Variants in UQCRC2 observed in about 807,000 individuals in gnomAD.
UQCRC2 encodes the protein cytochrome b-c1 complex subunit 2, mitochondrial.
A neutral mutation model predicts 55.6 loss-of-function variants in UQCRC2; 49 were observed. That is an observed-to-expected ratio of 0.88 (90% CI 0.70 to 1.12). UQCRC2 has a LOEUF of 1.12. Among genes scored for constraint, UQCRC2 ranks in the 50% most tolerant of loss-of-function variants. UQCRC2 has a pLI of 0.00. For synonymous variants in UQCRC2, 193 were observed against 192.0 expected (o/e 1.01, Z -0.04); for missense variants, 506 against 547.8 (o/e 0.92, Z 0.76).
intron 7 of UQCRC2, among the ~76,000 whole-genome samples, chr16:21,967,890 TTA>T (rs1289861478): frequency 1.1e-4 from 17 of 152,302 alleles, no homozygotes; most frequent in Middle Eastern, 3.4e-3. Flanking sequence ...TCATTACTAC[TTA>T]TATAAACACA....
chr16:21,956,602 A>G (rs536383086), intron 1 of UQCRC2, among the ~76,000 whole-genome samples: 2 of 152,336 alleles, frequency 1.3e-5, no homozygotes, highest in Admixed American at 6.5e-5. Flanking sequence ...CCAAAGCTTT[A>G]GAACTACACA....
intron 4 of UQCRC2, among the ~76,000 whole-genome samples, chr16:21,960,269 T>G (rs1316113260): frequency 6.6e-6 from 1 of 152,226 alleles, no homozygotes; most frequent in African/African-American, 2.4e-5. Flanking sequence ...ATATTAGCAT[T>G]TGCTGCTTCA....
Position 21,965,427 on chromosome 16 carries a change from T to C in UQCRC2, c.534T>C (p.His178=), listed in dbSNP as rs371009679. 16 of 1,613,832 alleles carry C rather than the reference T, an allele frequency of 9.9e-6. No individual in the cohort carries two copies. Among genetic ancestry groups the C allele is most frequent in the African/African-American group, 1.3e-5 (1 of 74,934 alleles). The change falls in exon 7 of 14, where the codon CAT becomes CAC. Residue 178 remains histidine (H), a synonymous_variant. Transcript: ENST00000268379. The part of the protein sequence containing the change: ...NPQTHVIENL[H]AAAYRNALAN... ...TCACAGATGTCATTGAAAATTTGCA[T>C]GCAGCAGCTTACCGGAATGCCTTGG...
intron 5 of UQCRC2, 109 bp downstream of exon 5, chr16:21,962,625 T>A (rs762473502): frequency 1.3e-6 from 2 of 1,592,048 alleles, no homozygotes; most frequent in Non-Finnish European, 1.7e-6. Flanking sequence ...TTTTGGATTA[T>A]TGTTCATAAA....
Position 21,958,547 on chromosome 16 carries a change from G to A in UQCRC2, c.280G>A (p.Ala94Thr), listed in dbSNP as rs1898130788. ...TTTCTTTTTCAAGACGACAAAAGGA[G>A]CTTCATCTTTCAAGATAACCCGTGG... Reference protein sequence around the residue: ...RLTSSLTTKGASSFKITRGIE... With the variant: ...RLTSSLTTKGTSSFKITRGIE... Residue 94 changes from alanine (A) to threonine (T), a missense_variant, in exon 4 of 14, where the codon GCT (alanine) becomes ACT (threonine). By Grantham distance (58) the Ala-to-Thr change is moderately conservative. Transcript: ENST00000268379. 6.2e-7 allele frequency: 1 copy of A among 1,612,268 alleles called. No individual in the cohort carries two copies. Among genetic ancestry groups the A allele is most frequent in the African/African-American group, 1.3e-5 (1 of 74,828 alleles).
intron 7 of UQCRC2, among the ~76,000 whole-genome samples, chr16:21,967,465 C>T (rs1029302347): frequency 6.6e-6 from 1 of 151,578 alleles, no homozygotes; most frequent in Non-Finnish European, 1.5e-5. Flanking sequence ...TTACCCCAAA[C>T]CAATTTTCAC....
intron 7 of UQCRC2, 137 bp from the exon 8 acceptor site, chr16:21,968,491 G>C (rs1898380939): frequency 1.6e-6 from 1 of 613,706 alleles, no homozygotes; most frequent in East Asian, 3.1e-5. Flanking sequence ...ATTCACCTCA[G>C]TTAGTACCTT....
intron 4 of UQCRC2, among the ~76,000 whole-genome samples, chr16:21,960,004 A>G (rs1311896175): frequency 6.6e-6 from 1 of 152,218 alleles, no homozygotes; most frequent in African/African-American, 2.4e-5. Flanking sequence ...GATTTAGCAT[A>G]ATTCCTAAGG....
Position 21,962,507 on chromosome 16 carries a change from G to A in UQCRC2, c.380G>A (p.Arg127Gln), listed in dbSNP as rs143434256. The change falls in exon 5 of 14, where the codon CGG (arginine) becomes CAG (glutamine). Residue 127 changes from arginine to glutamine, a missense_variant. Arg to Gln is a conservative substitution (Grantham distance 43, BLOSUM62 1). Transcript: ENST00000268379. ...ENMAYTVECL[R>Q]GDVDILMEFL... The stretch of plus-strand genomic sequence containing the variant: ...ATGGCTTATACTGTGGAATGCCTGC[G>A]GGGTGATGTGTAAGTACCTGTGTGT... 186 of 1,614,010 alleles carry A rather than the reference G, an allele frequency of 1.2e-4. 1 individual carries two copies. The highest frequency in any genetic ancestry group is 1.5e-4 in the Non-Finnish European group (172 of 1,180,024).
intron 1 of UQCRC2, among the ~76,000 whole-genome samples, chr16:21,956,475 C>G (rs1379526810): frequency 6.6e-6 from 1 of 151,966 alleles, no homozygotes; most frequent in African/African-American, 2.4e-5. Context: ...ATCCAGGAGG[C>G]AGACATTGCA....
At chr16:21,972,984 C>A (rs997137152) in intron 10 of UQCRC2, among the ~76,000 whole-genome samples, 1 of 152,194 alleles carries the variant, frequency 6.6e-6, no homozygotes, top group Non-Finnish European at 1.5e-5. Context: ...CCTGTAGTCC[C>A]AGCTACTTGG....
chr16:21,958,507 C>T (rs201225543), intron 3 of UQCRC2, 28 bp from the exon 4 acceptor site: 12 of 1,607,230 alleles, frequency 7.5e-6, no homozygotes, highest in Non-Finnish European at 9.4e-6. Context: ...TGAAAAGCTA[C>T]AAAGATAATC....
At position 21,983,506 on chromosome 16, in the gene UQCRC2, T is replaced by C. The variant is rs1898788002; in HGVS notation, c.*335T>C. ...AAGGCTAAGTGGCTATCGGGGTAAA[T>C]AGTGCCAGATTACTATTGGTGGCGT... On this transcript the variant is annotated 3_prime_UTR_variant, in exon 14 of 14. Transcript: ENST00000268379. 3.0e-6 allele frequency: 1 copy of C among 330,076 alleles called. No individual in the cohort carries two copies. Among genetic ancestry groups the C allele is most frequent in the Non-Finnish European group, 5.4e-6 (1 of 184,068 alleles). The allele number at this position is 330,076 out of a possible 1,614,324, so 20.4% of individuals were successfully genotyped here.
chr16:21,983,110 G>A lies in UQCRC2; in HGVS notation c.1301G>A (p.Gly434Asp). 6.2e-7 allele frequency: 1 copy of A among 1,613,886 alleles called. No homozygotes were observed. The stretch of plus-strand genomic sequence containing the variant: ...AAGGCGGCAAAGAAGTTTGTTTCTG[G>A]CCAGAAGTCAATGGCAGCAAGTGGA... ...IINAAKKFVS[G>D]QKSMAASGNL... Residue 434 changes from glycine (G) to aspartate (D), a missense_variant, in exon 14 of 14, where the codon GGC becomes GAC. Transcript: ENST00000268379.
intron 13 of UQCRC2, among the ~76,000 whole-genome samples, chr16:21,981,863 C>G (rs1212967284): frequency 6.7e-6 from 1 of 148,190 alleles, no homozygotes; most frequent in Admixed American, 6.7e-5. Context: ...TTTTTTGAGA[C>G]GGAGTCTTGC....
intron 1 of UQCRC2, 135 bp downstream of exon 1, chr16:21,953,591 T>A: frequency 8.7e-7 from 1 of 1,153,964 alleles, no homozygotes; most frequent in Non-Finnish European, 1.2e-6. Flanking sequence ...GCGGGCCAAG[T>A]GGGCTGCAGA....
At chr16:21,958,871 C>T (rs1466253080) in intron 4 of UQCRC2, among the ~76,000 whole-genome samples, 1 of 152,128 alleles carries the variant, frequency 6.6e-6, no homozygotes, top group African/African-American at 2.4e-5. Context: ...GGGAATATTG[C>T]AGCAAAGCAA....
chr16:21,965,310 A>G (rs759310631), intron 6 of UQCRC2, 98 bp from the exon 7 acceptor site: 3 of 1,137,030 alleles, frequency 2.6e-6, no homozygotes, highest in Non-Finnish European at 3.9e-6. Flanking sequence ...ATGCCAGAAG[A>G]TGACCAAATT....
In UQCRC2 at chr16:21,953,399, C is replaced by T. The variant is rs755918459; in HGVS notation, c.-25C>T. ...TTGCTTTCCTTTAATCCGGCAGTGA[C>T]CGTGTGTCAGAACAATCTTGAATCA... is the stretch of plus-strand genomic sequence containing the variant. On this transcript the variant is annotated 5_prime_UTR_variant, in exon 1 of 14. Transcript: ENST00000268379. 6 of 1,612,230 alleles carry T rather than the reference C, an allele frequency of 3.7e-6. 1 individual carries two copies. The highest frequency in any genetic ancestry group is 2.2e-5 in the South Asian group (2 of 90,488).
Sources: gnomAD v4.1 joint callset for allele counts (sites outside exome capture counted in the v4.1 genomes callset) on GRCh38, gnomAD v4.1.1 for gene constraint, MANE v1.5 for transcripts, NCBI Gene and HGNC (gene_info 2026-07-23, HGNC 2026-07-21) for gene names.